Variants in PREX1 observed in about 807,000 individuals in gnomAD.
PREX1 encodes the protein phosphatidylinositol 3,4,5-trisphosphate-dependent Rac exchanger 1 protein.
In PREX1, 41 loss-of-function variants were observed where a neutral mutation model predicts 198.3. The ratio of observed to expected loss-of-function variants is 0.21; its 90% CI spans 0.16 to 0.27. The LOEUF (loss-of-function observed/expected upper bound fraction) is 0.27. PREX1 is among the 10% of genes least tolerant of loss of function. PREX1 has a pLI of 1.00. For synonymous variants in PREX1, 843 were observed against 887.2 expected (o/e 0.95, Z 0.89); for missense variants, 1,620 against 2,200.7 (o/e 0.74, Z 5.28).
chr20:48,654,767 G>C (rs1455467545), intron 19 of PREX1, among the ~76,000 whole-genome samples: 1 of 152,192 alleles, frequency 6.6e-6, no homozygotes, highest in Admixed American at 6.5e-5. Context: ...TGCAAAAAAA[G>C]TTTGGGGGCC....
chr20:48,718,217 G>A (rs753110253), intron 5 of PREX1, among the ~76,000 whole-genome samples: 6 of 151,004 alleles, frequency 4.0e-5, no homozygotes, highest in Non-Finnish European at 7.4e-5. Flanking sequence ...TTTCAAAGAG[G>A]CCCTAGCACG....
the PREX1 span, among the ~76,000 whole-genome samples, chr20:48,834,145 T>C: frequency 2.6e-5 from 4 of 152,050 alleles, no homozygotes; most frequent in Admixed American, 2.6e-4. Flanking sequence ...CCTATTGCTT[T>C]CCTAATGGAG....
chr20:48,682,157 A>G (rs1049423243), intron 10 of PREX1, among the ~76,000 whole-genome samples: 6 of 152,066 alleles, frequency 3.9e-5, no homozygotes, highest in Non-Finnish European at 7.4e-5. Flanking sequence ...TTCCCTTATT[A>G]AAAAATACCA....
intron 5 of PREX1, among the ~76,000 whole-genome samples, chr20:48,716,346 G>A (rs977801033): frequency 6.6e-6 from 1 of 152,216 alleles, no homozygotes; most frequent in Admixed American, 6.5e-5. Flanking sequence ...AAAGGTGCCC[G>A]CTCTGAGCAG....
At chr20:48,630,133 C>A (rs2089302255) in intron 36 of PREX1, among the ~76,000 whole-genome samples, 7 of 152,204 alleles carry the variant, frequency 4.6e-5, no homozygotes. Context: ...CTCACAGCCC[C>A]AAGACAGCAC....
the PREX1 span, among the ~76,000 whole-genome samples, chr20:48,834,351 A>G: frequency 6.6e-6 from 1 of 152,208 alleles, no homozygotes; most frequent in African/African-American, 2.4e-5. Flanking sequence ...ACACATTTAT[A>G]TGTCTGGGTT....
At chr20:48,675,161 G>A (rs1162653714) in intron 14 of PREX1, among the ~76,000 whole-genome samples, 1 of 152,236 alleles carries the variant, frequency 6.6e-6, no homozygotes, top group Admixed American at 6.5e-5. Flanking sequence ...GGAGGGGACT[G>A]AGTCAGGAGG....
chr20:48,878,122 G>A, the PREX1 span, among the ~76,000 whole-genome samples: 1 of 151,722 alleles, frequency 6.6e-6, no homozygotes, highest in Non-Finnish European at 1.5e-5. Flanking sequence ...CACAAAAAAA[G>A]CCCAAGTTCT....
At chr20:48,856,708 T>C in the PREX1 span, among the ~76,000 whole-genome samples, 1 of 152,222 alleles carries the variant, frequency 6.6e-6, no homozygotes, top group African/African-American at 2.4e-5. Context: ...GTGGATGGGC[T>C]GGGAAAAACA....
chr20:48,827,610 A>G lies in PREX1; in HGVS notation c.219+32T>C. On this transcript the variant is annotated intron_variant, in intron 1 of 39. Transcript: ENST00000371941. The surrounding 1 kb of genome is among the most constrained non-coding windows in gnomAD (Gnocchi z 4.1). ...GCAGCGGGGCGAGCGGCTGGAGGGA[A>G]AGCTGTCCCCAAGCTCCCGAGCGAC... is the stretch of plus-strand genomic sequence containing the variant. The G allele has an allele frequency of 8.1e-7, 1 of 1,240,002 alleles. No homozygotes were observed. Among genetic ancestry groups the G allele is most frequent in the South Asian group, 3.5e-5 (1 of 28,428 alleles). The allele number at this position is 1,240,002 out of a possible 1,614,324, so 76.8% of individuals were successfully genotyped here. A position where few individuals can be genotyped will look rare whatever the true frequency, so the allele number is the denominator to read the frequency against.
chr20:48,884,460 C>T, the PREX1 span, among the ~76,000 whole-genome samples: 12 of 152,218 alleles, frequency 7.9e-5, no homozygotes, highest in African/African-American at 2.6e-4. Flanking sequence ...TAAGTGGTCA[C>T]GTGAAAACAA....
upstream of PREX1, among the ~76,000 whole-genome samples, chr20:48,830,407 G>A (rs1293869724): frequency 6.6e-6 from 1 of 152,130 alleles, no homozygotes; most frequent in Non-Finnish European, 1.5e-5. Context: ...AGATATCCCT[G>A]GGGACAGAAT....
intron 14 of PREX1, 144 bp downstream of exon 14, chr20:48,676,049 A>C (rs2089706680): frequency 3.4e-6 from 3 of 885,944 alleles, no homozygotes; most frequent in Middle Eastern, 2.9e-4. Flanking sequence ...GAAAAAAAAA[A>C]AAAAGATCAA....
In PREX1 at chr20:48,688,752, C is replaced by T; in HGVS notation, c.1239G>A (p.Gly413=). Residue 413 remains glycine, a synonymous_variant, in exon 10 of 40, where the codon GGG becomes GGA. Coordinates refer to ENST00000371941, the MANE Select transcript of PREX1 (RefSeq NM_020820.4). ...TCATCATCATGTGGTACAGCTTCTCCCCCTTCTCCGCAATCATGACGTAGG... is the reference window on the plus strand; with the variant it reads ...TCATCATCATGTGGTACAGCTTCTCTCCCTTCTCCGCAATCATGACGTAGG... ...RDAYVMIAEK[G]EKLYHMMMNK... is the part of the protein sequence containing the mutation. The T allele has an allele frequency of 1.9e-6, 3 of 1,614,168 alleles. No homozygotes were observed. The highest frequency in any genetic ancestry group is 2.5e-6 in the Non-Finnish European group (3 of 1,180,034).
At chr20:48,718,457 A>C (rs1412511006) in intron 5 of PREX1, among the ~76,000 whole-genome samples, 3 of 152,232 alleles carry the variant, frequency 2.0e-5, no homozygotes, top group African/African-American at 7.2e-5. Context: ...AAACAATCCA[A>C]AATAAAACAC....
intron 2 of PREX1, among the ~76,000 whole-genome samples, chr20:48,747,067 G>A (rs1168895101): frequency 6.6e-6 from 1 of 151,442 alleles, no homozygotes; most frequent in South Asian, 2.1e-4. Flanking sequence ...ACATCTCTAA[G>A]ACTCAGCTTT....
chr20:48,777,852 T>TCAG (rs1383887219), intron 1 of PREX1, among the ~76,000 whole-genome samples: 2 of 151,944 alleles, frequency 1.3e-5, no homozygotes, highest in African/African-American at 4.8e-5. Flanking sequence ...ATCATCATCA[T>TCAG]CAGCAGCAGC....
At chr20:48,698,721 G>A (rs1313084840) in intron 7 of PREX1, among the ~76,000 whole-genome samples, 1 of 152,148 alleles carries the variant, frequency 6.6e-6, no homozygotes, top group East Asian at 1.9e-4. Context: ...AATGGGGAAG[G>A]GCCTGTGGTT....
At chr20:48,868,156 A>G in the PREX1 span, among the ~76,000 whole-genome samples, 1 of 152,188 alleles carries the variant, frequency 6.6e-6, no homozygotes, top group Non-Finnish European at 1.5e-5. Context: ...GAACAAAGTG[A>G]TAAATGGTAA....
Sources: gnomAD v4.1 joint callset for allele counts (sites outside exome capture counted in the v4.1 genomes callset) on GRCh38, gnomAD v4.1.1 for gene constraint, Gnocchi (gnomAD v3.1) non-coding constraint, MANE v1.5 for transcripts, NCBI Gene and HGNC (gene_info 2026-07-23, HGNC 2026-07-21) for gene names.